MICU1: variants seen among roughly 807,000 people sequenced by gnomAD.
The protein encoded by MICU1 is calcium uptake protein 1, mitochondrial.
MICU1 carries 45 observed loss-of-function variants against 56.8 expected under a neutral mutation model. That is an observed-to-expected ratio of 0.79 (90% CI 0.62 to 1.02). The LOEUF is 1.02. MICU1 is among the 50% of genes least tolerant of loss of function. MICU1 has a pLI of 0.00. For missense variants in MICU1, 504 were observed against 587.1 expected (o/e 0.86, Z 1.46); for synonymous variants, 186 against 195.1 (o/e 0.95, Z 0.39).
chr10:72,530,584 C>T (rs543815604), intron 5 of MICU1, among the ~76,000 whole-genome samples: 1 of 152,050 alleles, frequency 6.6e-6, no homozygotes, highest in South Asian at 2.1e-4. Flanking sequence ...ATTCTTTATA[C>T]GAGACCTATG....
In MICU1 at chr10:72,369,216, C is replaced by T. The variant is rs151082560; in HGVS notation, c.1271-861G>A. Among the ~76,000 whole-genome samples the T allele has an allele frequency of 4.5e-3, 686 of 150,772 alleles. 4 individuals are homozygous for T. Among genetic ancestry groups the T allele is most frequent in the Admixed American group, 7.5e-3 (113 of 15,104 alleles). On this transcript the variant is annotated intron_variant, in intron 11 of 11. Transcript: ENST00000361114. ...TCGCTTGATTACCACCCGGTGATTG[C>T]GGCAATCACCAGGAGCTCAAGGCTG...
chr10:72,605,781 G>A (rs1333275625), intron 1 of MICU1, among the ~76,000 whole-genome samples: 2 of 152,102 alleles, frequency 1.3e-5, no homozygotes, highest in African/African-American at 4.8e-5. Flanking sequence ...GTATCCGAGG[G>A]GGTCCTGGAA....
At chr10:72,463,310 A>C (rs1191687119) in intron 8 of MICU1, among the ~76,000 whole-genome samples, 2 of 152,134 alleles carry the variant, frequency 1.3e-5, no homozygotes, top group Non-Finnish European at 2.9e-5. Flanking sequence ...TGATCTGCCC[A>C]CCTTGGCCTC....
chr10:72,403,896 C>T (rs1863543429), intron 10 of MICU1, among the ~76,000 whole-genome samples: 1 of 151,936 alleles, frequency 6.6e-6, no homozygotes, highest in Admixed American at 6.6e-5. Flanking sequence ...ACCTCGTGAT[C>T]CGCCCACCTC....
intron 10 of MICU1, among the ~76,000 whole-genome samples, chr10:72,403,995 T>G (rs780680515): frequency 1.8e-5 from 2 of 110,450 alleles, no homozygotes; most frequent in African/African-American, 5.1e-5. Context: ...GTTTTTTGTT[T>G]GTTTGTTTTT....
chr10:72,385,748 G>T (rs1184142790), intron 10 of MICU1, among the ~76,000 whole-genome samples: 1 of 152,166 alleles, frequency 6.6e-6, no homozygotes, highest in African/African-American at 2.4e-5. Flanking sequence ...CAGAACCTGT[G>T]ACTACGATAA....
intron 8 of MICU1, among the ~76,000 whole-genome samples, chr10:72,425,556 T>A (rs1242543948): frequency 6.6e-6 from 1 of 152,238 alleles, no homozygotes; most frequent in Admixed American, 6.5e-5. Flanking sequence ...TGGGCTCTAT[T>A]ATGATTATTT....
intron 1 of MICU1, among the ~76,000 whole-genome samples, chr10:72,622,691 G>A (rs1195235998): frequency 6.6e-6 from 1 of 152,118 alleles, no homozygotes; most frequent in African/African-American, 2.4e-5. Context: ...TGGTTACCTG[G>A]TAGTAAGAGA....
intron 3 of MICU1, among the ~76,000 whole-genome samples, chr10:72,554,039 C>T (rs1439224530): frequency 6.6e-6 from 1 of 152,064 alleles, no homozygotes; most frequent in Non-Finnish European, 1.5e-5. Context: ...AGTCATATAC[C>T]TTATAAGACT....
At chr10:72,421,236 T>A (rs1225542976) in intron 9 of MICU1, among the ~76,000 whole-genome samples, 2 of 151,616 alleles carry the variant, frequency 1.3e-5, no homozygotes, top group African/African-American at 4.8e-5. Context: ...AGTCCTATCA[T>A]CTTTTCTTTC....
At chr10:72,547,199 A>G (rs1171206148) in intron 4 of MICU1, among the ~76,000 whole-genome samples, 3 of 151,704 alleles carry the variant, frequency 2.0e-5, no homozygotes, top group African/African-American at 4.8e-5. Context: ...GGCCTCTGCT[A>G]ATTTTTTTAC....
At chr10:72,535,785 G>C (rs1240620690) in intron 4 of MICU1, among the ~76,000 whole-genome samples, 1 of 152,118 alleles carries the variant, frequency 6.6e-6, no homozygotes, top group African/African-American at 2.4e-5. Flanking sequence ...CTTACTAATT[G>C]CATCAGCACT....
chr10:72,581,637 G>A (rs982932537), intron 1 of MICU1, among the ~76,000 whole-genome samples: 1 of 152,050 alleles, frequency 6.6e-6, no homozygotes, highest in Non-Finnish European at 1.5e-5. Flanking sequence ...TAATGCATTT[G>A]AAGTTACTAC....
At chr10:72,378,944 G>A (rs949233231) in intron 10 of MICU1, among the ~76,000 whole-genome samples, 16 of 152,198 alleles carry the variant, frequency 1.1e-4, no homozygotes, top group Admixed American at 6.5e-5. Flanking sequence ...CCCAGGATCT[G>A]AGTTAGGGTG....
intron 6 of MICU1, among the ~76,000 whole-genome samples, chr10:72,482,174 G>A (rs1190989207): frequency 1.3e-5 from 2 of 152,288 alleles, no homozygotes; most frequent in Admixed American, 6.5e-5. Context: ...AATAGAAAAT[G>A]CATAAGGAAT....
chr10:72,368,664 T>C (rs1397366977), intron 11 of MICU1, among the ~76,000 whole-genome samples: 2 of 152,084 alleles, frequency 1.3e-5, no homozygotes, highest in Non-Finnish European at 2.9e-5. Flanking sequence ...TTCCAGGCTG[T>C]AGGAGAGACA....
intron 1 of MICU1, among the ~76,000 whole-genome samples, chr10:72,587,644 C>T (rs1841099906): frequency 6.6e-6 from 1 of 151,798 alleles, no homozygotes; most frequent in Non-Finnish European, 1.5e-5. Flanking sequence ...ATTAGCTGGA[C>T]ATGGTGGTGC....
intron 6 of MICU1, among the ~76,000 whole-genome samples, chr10:72,482,261 CATT>C (rs1239364840): frequency 6.6e-6 from 1 of 152,130 alleles, no homozygotes; most frequent in African/African-American, 2.4e-5. Flanking sequence ...TGCTGCCTTA[CATT>C]ATTTTTTGGT....
At chr10:72,600,870 C>G (rs1028061402) in intron 1 of MICU1, among the ~76,000 whole-genome samples, 2 of 152,200 alleles carry the variant, frequency 1.3e-5, no homozygotes, top group African/African-American at 2.4e-5. Flanking sequence ...TAGAACATAT[C>G]CCCCCGTAGA....
Sources: gnomAD v4.1 joint callset for allele counts (sites outside exome capture counted in the v4.1 genomes callset) on GRCh38, gnomAD v4.1.1 for gene constraint, MANE v1.5 for transcripts, NCBI Gene and HGNC (gene_info 2026-07-23, HGNC 2026-07-21) for gene names.